Variants in ATP6V1E1 observed in about 807,000 individuals in gnomAD.
ATP6V1E1 encodes V-type proton ATPase subunit E 1.
In ATP6V1E1, 21 loss-of-function variants were observed where a neutral mutation model predicts 35.2. The observed-to-expected ratio is 0.60, with a 90% CI of 0.42 to 0.86. The LOEUF (loss-of-function observed/expected upper bound fraction) is 0.86. Among genes scored for constraint, ATP6V1E1 ranks in the 40% least tolerant of loss-of-function variants. The pLI is 0.00. For missense variants in ATP6V1E1, 183 were observed against 272.6 expected (o/e 0.67, Z 2.32); for synonymous variants, 83 against 87.8 (o/e 0.95, Z 0.30).
intron 6 of ATP6V1E1, among the ~76,000 whole-genome samples, chr22:17,599,234 T>C (rs1464825309): frequency 2.6e-5 from 4 of 151,032 alleles, no homozygotes; most frequent in African/African-American, 9.7e-5. Flanking sequence ...ATGTACTTAA[T>C]GGCACAATGT....
At chr22:17,596,731 A>T (rs542966262) in intron 7 of ATP6V1E1, among the ~76,000 whole-genome samples, 1 of 152,110 alleles carries the variant, frequency 6.6e-6, no homozygotes, top group South Asian at 2.1e-4. Flanking sequence ...CTCTGACAGC[A>T]TATCTTATGA....
At chr22:17,621,807 A>T (rs1275534509) in intron 1 of ATP6V1E1, among the ~76,000 whole-genome samples, 1 of 152,104 alleles carries the variant, frequency 6.6e-6, no homozygotes, top group Non-Finnish European at 1.5e-5. Context: ...TCACCTCCTT[A>T]GGGAAATCTT....
At chr22:17,610,904 T>C (rs539957025) in intron 4 of ATP6V1E1, among the ~76,000 whole-genome samples, 2 of 152,332 alleles carry the variant, frequency 1.3e-5, no homozygotes, top group East Asian at 1.9e-4. Flanking sequence ...AAATGTTACA[T>C]GCCAGAGGAC....
At position 17,601,189 on chromosome 22, in the gene ATP6V1E1, G is replaced by C; in HGVS notation, c.277-8C>G. The C allele has an allele frequency of 6.2e-7, 1 of 1,610,014 alleles. No individual in the cohort carries two copies. Among genetic ancestry groups the C allele is most frequent in the Non-Finnish European group, 8.5e-7 (1 of 1,177,320 alleles). On this transcript the variant is annotated splice_region_variant and splice_polypyrimidine_tract_variant and intron_variant, in intron 4 of 8. Transcript: ENST00000253413. Reference sequence around the variant, plus strand: ...TGCTTCATTTAGTAGGTCCTACAAAGATTAGAAAAGATAAAAGTTATCTAC... The same window carrying C: ...TGCTTCATTTAGTAGGTCCTACAAACATTAGAAAAGATAAAAGTTATCTAC...
At chr22:17,610,862 A>G (rs1353097118) in intron 4 of ATP6V1E1, among the ~76,000 whole-genome samples, 5 of 152,216 alleles carry the variant, frequency 3.3e-5, no homozygotes, top group African/African-American at 1.2e-4. Context: ...GGTTGGAGAA[A>G]GGGAACTAAC....
At chr22:17,621,921 G>A (rs962044968) in intron 1 of ATP6V1E1, among the ~76,000 whole-genome samples, 8 of 152,144 alleles carry the variant, frequency 5.3e-5, no homozygotes. Context: ...CTAGGAACTT[G>A]TTAAAGGTTC....
intron 4 of ATP6V1E1, among the ~76,000 whole-genome samples, chr22:17,607,788 TAA>T: frequency 6.6e-6 from 1 of 152,292 alleles, no homozygotes; most frequent in African/African-American, 2.4e-5. Flanking sequence ...GACTAGAATA[TAA>T]AAGTCTCTGG....
chr22:17,623,477 C>G (rs2057888283), intron 1 of ATP6V1E1, among the ~76,000 whole-genome samples: 1 of 152,106 alleles, frequency 6.6e-6, no homozygotes, highest in Admixed American at 6.6e-5. Flanking sequence ...TCAAGACCAG[C>G]CTGACCAACA....
intron 4 of ATP6V1E1, among the ~76,000 whole-genome samples, chr22:17,603,137 A>G (rs2057769899): frequency 6.6e-6 from 1 of 152,028 alleles, no homozygotes; most frequent in South Asian, 2.1e-4. Flanking sequence ...TTTAGTAGAG[A>G]CGGAGTTTCA....
At chr22:17,604,102 A>C (rs1018942739) in intron 4 of ATP6V1E1, among the ~76,000 whole-genome samples, 20 of 152,358 alleles carry the variant, frequency 1.3e-4, no homozygotes, top group African/African-American at 4.8e-4. Flanking sequence ...TAATTGACAT[A>C]AACTGTGTTA....
intron 6 of ATP6V1E1, among the ~76,000 whole-genome samples, chr22:17,598,790 A>G (rs185605208): frequency 6.6e-6 from 1 of 152,210 alleles, no homozygotes; most frequent in Non-Finnish European, 1.5e-5. Context: ...GAAGTACACA[A>G]TTACCACATG....
At chr22:17,617,403 C>T (rs1006689360) in intron 2 of ATP6V1E1, among the ~76,000 whole-genome samples, 1 of 152,072 alleles carries the variant, frequency 6.6e-6, no homozygotes, top group Non-Finnish European at 1.5e-5. Flanking sequence ...AAGTGATTCT[C>T]CTGCCTCAGC....
intron 4 of ATP6V1E1, among the ~76,000 whole-genome samples, chr22:17,601,517 A>AT (rs201007184): frequency 2.2e-3 from 330 of 152,174 alleles, no homozygotes; most frequent in African/African-American, 7.6e-3. Flanking sequence ...AGATTACCCC[A>AT]TTTTTTTTAA....
At chr22:17,623,412 C>T (rs2057887949) in intron 1 of ATP6V1E1, among the ~76,000 whole-genome samples, 1 of 152,284 alleles carries the variant, frequency 6.6e-6, no homozygotes, top group African/African-American at 2.4e-5. Context: ...CGGGCTCACG[C>T]CTGTAATCCC....
intron 2 of ATP6V1E1, among the ~76,000 whole-genome samples, chr22:17,616,765 G>GAAACTATCACCATCAAAACAATATT (rs1159756585): frequency 6.8e-5 from 9 of 132,576 alleles, no homozygotes; most frequent in Admixed American, 2.2e-4. Flanking sequence ...AGTCATACAA[G>GAAACTATCACCATCAAAACAATATT]AGGCCAGGCG....
chr22:17,625,011 C>A (rs146319248), intron 1 of ATP6V1E1, among the ~76,000 whole-genome samples: 164 of 152,200 alleles, frequency 1.1e-3, no homozygotes, highest in African/African-American at 3.8e-3. Flanking sequence ...CTGCATCAAG[C>A]TTTTCCTATA....
At chr22:17,615,955 C>G (rs1459885998) in intron 2 of ATP6V1E1, among the ~76,000 whole-genome samples, 1 of 151,312 alleles carries the variant, frequency 6.6e-6, no homozygotes, top group African/African-American at 2.4e-5. Context: ...TCACTTGAAC[C>G]TGGGAGGCAG....
chr22:17,605,693 CTTT>C (rs3044548), intron 4 of ATP6V1E1, among the ~76,000 whole-genome samples: 1,488 of 103,892 alleles, frequency 0.014, 16 homozygotes, highest in African/African-American at 0.053. Context: ...AGATGTTTCT[CTTT>C]TTTTTTTTTT....
chr22:17,611,589 C>T (rs1324109685), intron 4 of ATP6V1E1, among the ~76,000 whole-genome samples: 4 of 152,132 alleles, frequency 2.6e-5, no homozygotes, highest in Non-Finnish European at 4.4e-5. Flanking sequence ...GATGCCAAAA[C>T]AAACAAACAG....
Sources: allele counts gnomAD v4.1 joint callset (sites outside exome capture counted in the v4.1 genomes callset), GRCh38; gene constraint gnomAD v4.1.1; transcripts MANE v1.5; gene names NCBI Gene and HGNC (gene_info 2026-07-23, HGNC 2026-07-21).